The following PITPNM3 variants were observed in gnomAD, a reference collection of about 807,000 sequenced individuals.
The protein encoded by PITPNM3 is PITPNM family member 3.
In PITPNM3, 26 loss-of-function variants were observed where a neutral mutation model predicts 102.0. The observed-to-expected ratio is 0.25, with a 90% CI of 0.19 to 0.35. PITPNM3 has a LOEUF of 0.35. Among genes scored for constraint, PITPNM3 ranks in the 10% least tolerant of loss-of-function variants. The probability of loss-of-function intolerance (pLI) is 1.00; values close to 1 mark genes in which losing one functional copy is unlikely to be tolerated. For missense variants in PITPNM3, 1,083 were observed against 1,346.1 expected, an observed-to-expected ratio of 0.80 and a Z score of 3.06; for synonymous variants, 578 against 558.6, an observed-to-expected ratio of 1.03 and a Z score of -0.49.
Position 6,532,152 on chromosome 17 carries a change from T to C in PITPNM3, c.118+5835A>G, listed in dbSNP as rs60448665. Among the ~76,000 whole-genome samples, 239 of 151,630 alleles carry C rather than the reference T, an allele frequency of 1.6e-3. 2 individuals are homozygous for C. The highest frequency in any genetic ancestry group is 3.9e-3 in the African/African-American group (160 of 41,352). ...AAGCTCATTCCACCAATCAACACTT[T>C]GCGCTGGCTGTTCCCACTGTCTAGA... On this transcript the variant is annotated intron_variant, in intron 2 of 19. Coordinates refer to ENST00000262483, the MANE Select transcript of PITPNM3 (RefSeq NM_031220.4).
intron 1 of PITPNM3, among the ~76,000 whole-genome samples, chr17:6,550,608 A>G (rs1293704237): frequency 6.6e-6 from 1 of 152,212 alleles, no homozygotes; most frequent in Non-Finnish European, 1.5e-5. Context: ...CCTGCTTAAC[A>G]GGTAGAACAG....
chr17:6,546,568 C>T (rs961784460), intron 1 of PITPNM3, among the ~76,000 whole-genome samples: 4 of 152,256 alleles, frequency 2.6e-5, no homozygotes, highest in Non-Finnish European at 4.4e-5. Context: ...AACCACACCA[C>T]GAACCTGACC....
intron 6 of PITPNM3, chr17:6,480,147 G>C (rs1195594320): frequency 6.6e-6 from 1 of 152,212 alleles, no homozygotes; most frequent in African/African-American, 2.4e-5. Flanking sequence ...ACTGCTGGAG[G>C]GAGGCCTGGA....
At chr17:6,545,351 G>A (rs1189760187) in intron 1 of PITPNM3, among the ~76,000 whole-genome samples, 1 of 152,098 alleles carries the variant, frequency 6.6e-6, no homozygotes, top group Non-Finnish European at 1.5e-5. Flanking sequence ...AACTTCCAAG[G>A]GCAGACCCCT....
intron 17 of PITPNM3, among the ~76,000 whole-genome samples, chr17:6,463,417 G>GGGAGGGAGGCAGGGAGGGAC (rs1567660301): frequency 1.0e-4 from 6 of 58,764 alleles, no homozygotes; most frequent in East Asian, 6.1e-4. Flanking sequence ...CACGAGTGCA[G>GGGAGGGAGGCAGGGAGGGAC]GGAGGGAGGC....
intron 3 of PITPNM3, among the ~76,000 whole-genome samples, chr17:6,522,286 G>GCA (rs35785551): frequency 0.011 from 1,713 of 149,298 alleles, 25 homozygotes; most frequent in African/African-American, 0.031. Flanking sequence ...TTTAGTGTGC[G>GCA]CACACACACA....
chr17:6,488,261 C>T (rs2309571), intron 4 of PITPNM3, among the ~76,000 whole-genome samples: 78,200 of 152,028 alleles, frequency 0.51, 21,261 homozygotes, highest in Middle Eastern at 0.65. Flanking sequence ...CTCTTTCACT[C>T]GTCCTTGCCT....
chr17:6,503,480 C>A, intron 4 of PITPNM3, 47 bp downstream of exon 4: 1 of 1,597,864 alleles, frequency 6.3e-7, no homozygotes, highest in South Asian at 1.1e-5. Context: ...TGAGCTTGCA[C>A]CCATCCAAGG....
chr17:6,518,810 A>G (rs1345692661), intron 3 of PITPNM3, among the ~76,000 whole-genome samples: 2 of 152,220 alleles, frequency 1.3e-5, no homozygotes, highest in African/African-American at 4.8e-5. Flanking sequence ...GAAAGAAGTC[A>G]TAACTTTCGG....
chr17:6,509,005 C>T (rs1907712497), intron 3 of PITPNM3, among the ~76,000 whole-genome samples: 1 of 152,196 alleles, frequency 6.6e-6, no homozygotes, highest in South Asian at 2.1e-4. Flanking sequence ...GGCTCATGGG[C>T]CTGACAGCTT....
intron 1 of PITPNM3, among the ~76,000 whole-genome samples, chr17:6,554,387 G>T (rs1910492114): frequency 6.6e-6 from 1 of 151,832 alleles, no homozygotes; most frequent in East Asian, 1.9e-4. Context: ...GGAGAGCTGA[G>T]CTGAGAAGGG....
At position 6,455,483 on chromosome 17, in the gene PITPNM3, A is replaced by G. The variant is rs371145698; in HGVS notation, c.2780T>C (p.Met927Thr). The G allele has an allele frequency of 7.4e-5, 119 of 1,605,648 alleles. No individual in the cohort carries two copies. Among genetic ancestry groups the G allele is most frequent in the Non-Finnish European group, 9.7e-5 (114 of 1,179,558 alleles). ...LRKRNHLRRT[M>T]SVQQPDPPAA... Reference sequence around the variant, plus strand: ...GGGCGGGTCGGGCTGCTGCACTGACATGGTTCTGCGCAGGTGGTTGCGCTT... The same window carrying G: ...GGGCGGGTCGGGCTGCTGCACTGACGTGGTTCTGCGCAGGTGGTTGCGCTT... The change falls in exon 20 of 20, where the codon ATG becomes ACG. Residue 927 changes from methionine (M) to threonine (T), a missense_variant. By Grantham distance (81) the Met-to-Thr change is moderately conservative. Coordinates refer to ENST00000262483, the MANE Select transcript of PITPNM3 (RefSeq NM_031220.4).
intron 4 of PITPNM3, 122 bp from the exon 5 acceptor site, chr17:6,484,414 G>C (rs1905945736): frequency 4.0e-6 from 4 of 994,112 alleles, no homozygotes; most frequent in Middle Eastern, 4.2e-4. Context: ...GCTCAAGTTA[G>C]AGTCTGGAGC....
chr17:6,478,009 C>T lies in PITPNM3; in HGVS notation c.866G>A (p.Ser289Asn), dbSNP rs773329053. 1 of 1,613,524 alleles carries T rather than the reference C, an allele frequency of 6.2e-7. No individual in the cohort carries two copies. Among genetic ancestry groups the T allele is most frequent in the Admixed American group, 1.7e-5 (1 of 60,038 alleles). Residue 289 changes from serine to asparagine, a missense_variant, in exon 8 of 20, where the codon AGC becomes AAC. Ser to Asn is a conservative substitution (Grantham distance 46). Coordinates refer to ENST00000262483, the MANE Select transcript of PITPNM3 (RefSeq NM_031220.4). This position sits in a 1 kb window ranked among gnomAD's most constrained non-coding sequence, Gnocchi z 4.4. Reference sequence around the variant, plus strand: ...GCTGATGCTCCCCTTCCGGCTGCTGCTGGCAGGGCTGTCCCCTGAGGGCCC... The same window carrying T: ...GCTGATGCTCCCCTTCCGGCTGCTGTTGGCAGGGCTGTCCCCTGAGGGCCC... ...SAGPSGDSPA[S>N]SSRKGSISST...
intron 1 of PITPNM3, among the ~76,000 whole-genome samples, chr17:6,547,941 T>C (rs1910112777): frequency 6.6e-6 from 1 of 151,972 alleles, no homozygotes; most frequent in Admixed American, 6.6e-5. Context: ...TTGGTCAGGC[T>C]GGTCTCAAAC....
rs556927925 is a variant in PITPNM3 at position 6,472,171 on chromosome 17, C to A, written c.1429+486G>T. Among the ~76,000 whole-genome samples, 3 of 152,180 alleles carry A rather than the reference C, an allele frequency of 2.0e-5. No individual in the cohort carries two copies. The highest frequency in any genetic ancestry group is 7.2e-5 in the African/African-American group (3 of 41,444). On this transcript the variant is annotated intron_variant, in intron 11 of 19. Coordinates refer to ENST00000262483, the MANE Select transcript of PITPNM3 (RefSeq NM_031220.4). The surrounding 1 kb of genome is among the most constrained non-coding windows in gnomAD (Gnocchi z 4.1). ...CACTGGCTCTTCGCCAAAACACCTG[C>A]CCTCGCTCCTGCTGTTCTCCCTGCC... is the stretch of plus-strand genomic sequence containing the variant.
chr17:6,556,319 C>T lies in PITPNM3; in HGVS notation c.22+66G>A. ...CGAGGGGTTCACCTGGGCCGGCGGC[C>T]CCTCCTCTAGACGCGCGAGTCCCTC... On this transcript the variant is annotated intron_variant, in intron 1 of 19. Coordinates refer to ENST00000262483, the MANE Select transcript of PITPNM3 (RefSeq NM_031220.4). The surrounding 1 kb of genome is among the most constrained non-coding windows in gnomAD (Gnocchi z 5.2). The T allele has an allele frequency of 7.5e-7, 1 of 1,338,552 alleles. No individual in the cohort carries two copies. The highest frequency in any genetic ancestry group is 1.5e-5 in the South Asian group (1 of 66,330). The allele number at this position is 1,338,552 out of a possible 1,614,324, so 82.9% of individuals were successfully genotyped here.
intron 3 of PITPNM3, among the ~76,000 whole-genome samples, chr17:6,507,010 G>C (rs1231770108): frequency 1.3e-5 from 2 of 152,254 alleles, no homozygotes; most frequent in African/African-American, 2.4e-5. Flanking sequence ...TGCCAGCCCA[G>C]GGTGGGGACA....
At chr17:6,476,474 C>G (rs1905303868) in intron 9 of PITPNM3, among the ~76,000 whole-genome samples, 1 of 152,174 alleles carries the variant, frequency 6.6e-6, no homozygotes, top group African/African-American at 2.4e-5. Context: ...AAAGGGCAAA[C>G]AGTTCTGTAG....
Sources: gnomAD v4.1 joint callset for allele counts (sites outside exome capture counted in the v4.1 genomes callset) on GRCh38, gnomAD v4.1.1 for gene constraint, Gnocchi (gnomAD v3.1) non-coding constraint, MANE v1.5 for transcripts, NCBI Gene and HGNC (gene_info 2026-07-23, HGNC 2026-07-21) for gene names.